The following GALNT13 variants were observed in gnomAD, a reference collection of about 807,000 sequenced individuals.
GALNT13 encodes the protein UDP-GalNAc:polypeptide N-acetylgalactosaminyltransferase 13.
GALNT13 carries 28 observed loss-of-function variants against 64.2 expected under a neutral mutation model. The ratio of observed to expected loss-of-function variants is 0.44; its 90% CI spans 0.32 to 0.60. GALNT13 has a LOEUF of 0.60. Among genes scored for constraint, GALNT13 ranks in the 20% least tolerant of loss-of-function variants. The pLI is 0.05. For synonymous variants in GALNT13, 214 were observed against 224.6 expected, an observed-to-expected ratio of 0.95 and a Z score of 0.42; for missense variants, 577 against 669.8, an observed-to-expected ratio of 0.86 and a Z score of 1.53.
At chr2:153,310,421 A>G in the GALNT13 span, among the ~76,000 whole-genome samples, 1 of 152,074 alleles carries the variant, frequency 6.6e-6, no homozygotes, top group Non-Finnish European at 1.5e-5. Flanking sequence ...TTACATGCAG[A>G]CTTTTCCCCA....
chr2:153,170,713 T>G, the GALNT13 span, among the ~76,000 whole-genome samples: 34 of 152,210 alleles, frequency 2.2e-4, no homozygotes, highest in Non-Finnish European at 8.8e-5. Flanking sequence ...GAAGTTAACA[T>G]TATCTAACAA....
the GALNT13 span, among the ~76,000 whole-genome samples, chr2:153,852,318 A>G: frequency 2.0e-5 from 3 of 152,166 alleles, no homozygotes; most frequent in Non-Finnish European, 4.4e-5. Flanking sequence ...CAATCAAAAG[A>G]AGCCTACATT....
intron 4 of GALNT13, among the ~76,000 whole-genome samples, chr2:154,210,534 T>C (rs1468773834): frequency 6.6e-6 from 1 of 152,144 alleles, no homozygotes; most frequent in Non-Finnish European, 1.5e-5. Flanking sequence ...CTCATATAAA[T>C]TACTGGGAGA....
At chr2:154,098,373 TTTTAA>T (rs1702181521) in intron 3 of GALNT13, among the ~76,000 whole-genome samples, 1 of 152,014 alleles carries the variant, frequency 6.6e-6, no homozygotes, top group African/African-American at 2.4e-5. Flanking sequence ...TTTTCTTACC[TTTTAA>T]GTTGACTTTA....
intron 3 of GALNT13, among the ~76,000 whole-genome samples, chr2:154,010,021 T>G (rs1307454588): frequency 6.6e-6 from 1 of 152,184 alleles, no homozygotes; most frequent in African/African-American, 2.4e-5. Flanking sequence ...TGTCCTGAAA[T>G]TTTGCTAAAG....
the GALNT13 span, among the ~76,000 whole-genome samples, chr2:153,730,700 A>T: frequency 6.6e-6 from 1 of 151,894 alleles, no homozygotes; most frequent in South Asian, 2.1e-4. Flanking sequence ...CAACTCAAGA[A>T]GAAAAAAAAA....
chr2:153,617,943 G>A, the GALNT13 span, among the ~76,000 whole-genome samples: 7 of 150,866 alleles, frequency 4.6e-5, no homozygotes, highest in African/African-American at 1.7e-4. Context: ...TAGTTATTTG[G>A]GTTTGTCAAT....
At chr2:153,286,574 G>A in the GALNT13 span, among the ~76,000 whole-genome samples, 2 of 152,188 alleles carry the variant, frequency 1.3e-5, no homozygotes, top group African/African-American at 4.8e-5. Context: ...TCTTGCATAG[G>A]TCTAGAAATA....
the GALNT13 span, among the ~76,000 whole-genome samples, chr2:153,854,455 C>T: frequency 6.6e-6 from 1 of 151,798 alleles, no homozygotes; most frequent in Non-Finnish European, 1.5e-5. Context: ...GGGGTGCACA[C>T]CTGTAATCCC....
the GALNT13 span, among the ~76,000 whole-genome samples, chr2:153,541,325 A>T: frequency 6.6e-6 from 1 of 152,184 alleles, no homozygotes; most frequent in Admixed American, 6.5e-5. Flanking sequence ...GGCTTCCCTA[A>T]TCCTGCTGAC....
At chr2:154,306,340 C>A (rs1444889223) in intron 9 of GALNT13, among the ~76,000 whole-genome samples, 1 of 151,908 alleles carries the variant, frequency 6.6e-6, no homozygotes, top group Non-Finnish European at 1.5e-5. Flanking sequence ...GTGATGTTCC[C>A]CTCCCTATGT....
chr2:154,241,793 C>A (rs1277641761), intron 4 of GALNT13, among the ~76,000 whole-genome samples: 1 of 152,056 alleles, frequency 6.6e-6, no homozygotes, highest in East Asian at 1.9e-4. Context: ...AATCATGCTG[C>A]TTTGTTCCCT....
the GALNT13 span, among the ~76,000 whole-genome samples, chr2:153,725,588 G>T: frequency 6.6e-6 from 1 of 151,936 alleles, no homozygotes; most frequent in Admixed American, 6.6e-5. Flanking sequence ...AATGGATAGG[G>T]AATAGCTGAG....
chr2:154,121,366 C>T (rs186510766), intron 3 of GALNT13, among the ~76,000 whole-genome samples: 9 of 152,174 alleles, frequency 5.9e-5, no homozygotes, highest in East Asian at 3.9e-4. Context: ...TATACAATAG[C>T]GTACTGACAT....
chr2:153,879,657 G>A (rs1189878065), intron 1 of GALNT13, among the ~76,000 whole-genome samples: 1 of 151,998 alleles, frequency 6.6e-6, no homozygotes, highest in Non-Finnish European at 1.5e-5. Flanking sequence ...ACAGGCATGA[G>A]CCACTGATCC....
intron 3 of GALNT13, among the ~76,000 whole-genome samples, chr2:153,986,590 C>G (rs1694815835): frequency 6.6e-6 from 1 of 151,862 alleles, no homozygotes; most frequent in South Asian, 2.1e-4. Context: ...ATCCCCTGCC[C>G]TCAAATCCTT....
chr2:153,197,169 G>A, the GALNT13 span, among the ~76,000 whole-genome samples: 2 of 152,210 alleles, frequency 1.3e-5, no homozygotes, highest in African/African-American at 2.4e-5. Flanking sequence ...GAGTGATTAT[G>A]AAGATGCTGA....
intron 3 of GALNT13, among the ~76,000 whole-genome samples, chr2:153,979,614 T>C (rs1324117003): frequency 6.6e-6 from 1 of 152,208 alleles, no homozygotes; most frequent in East Asian, 1.9e-4. Flanking sequence ...TTTATTCTAA[T>C]AGCTTTTAAA....
the GALNT13 span, among the ~76,000 whole-genome samples, chr2:153,289,366 T>G: frequency 2.8e-4 from 43 of 152,328 alleles, no homozygotes; most frequent in East Asian, 7.7e-3. Context: ...GACATTCTGT[T>G]GAAGGGTTTA....
Sources: gnomAD v4.1 joint callset for allele counts (sites outside exome capture counted in the v4.1 genomes callset) on GRCh38, gnomAD v4.1.1 for gene constraint, MANE v1.5 for transcripts, NCBI Gene and HGNC (gene_info 2026-07-23, HGNC 2026-07-21) for gene names.